The following GPM6A variants were observed in gnomAD, a reference collection of about 807,000 sequenced individuals.
GPM6A encodes glycoprotein M6A.
In GPM6A, 7 loss-of-function variants were observed where a neutral mutation model predicts 32.1. The observed-to-expected ratio is 0.22, with a 90% CI of 0.12 to 0.41. GPM6A has a LOEUF of 0.41. Among genes scored for constraint, GPM6A ranks in the 10% least tolerant of loss-of-function variants. The pLI, the probability that GPM6A is intolerant of heterozygous loss-of-function variation, is 1.00. For synonymous variants in GPM6A, 130 were observed against 123.4 expected, an observed-to-expected ratio of 1.05 and a Z score of -0.35; for missense variants, 235 against 347.2, an observed-to-expected ratio of 0.68 and a Z score of 2.57.
chr4:175,863,670 T>C (rs1445655063), intron 1 of GPM6A, among the ~76,000 whole-genome samples: 1 of 152,164 alleles, frequency 6.6e-6, no homozygotes, highest in Non-Finnish European at 1.5e-5. Flanking sequence ...TTTTCCAAAA[T>C]TGAACAAATT....
chr4:175,987,789 A>G (rs891176957), intron 1 of GPM6A, among the ~76,000 whole-genome samples: 1 of 152,140 alleles, frequency 6.6e-6, no homozygotes, highest in Non-Finnish European at 1.5e-5. Context: ...GAATTTGCCA[A>G]GGAAGAATGT....
At position 175,701,709 on chromosome 4, in the gene GPM6A, G is replaced by A. The variant is rs1744891781; in HGVS notation, c.96C>T (p.Ala32=). ...LGGIPYASLI[A]TILLYAGVAL... Reference sequence around the variant, plus strand: ...CAACACCCGCATAGAGCAGGATGGTGGCAATCAGAGAGGCATAGGGAATGC... The same window carrying A: ...CAACACCCGCATAGAGCAGGATGGTAGCAATCAGAGAGGCATAGGGAATGC... The change falls in exon 2 of 7, where the codon GCC becomes GCT. Residue 32 remains alanine, a synonymous_variant. Coordinates refer to ENST00000393658, the MANE Select transcript of GPM6A (RefSeq NM_201591.3). The A allele has an allele frequency of 6.2e-7, 1 of 1,613,678 alleles. No individual in the cohort carries two copies. The highest frequency in any genetic ancestry group is 8.5e-7 in the Non-Finnish European group (1 of 1,179,738).
chr4:175,819,073 A>G (rs1475251463), intron 1 of GPM6A, among the ~76,000 whole-genome samples: 1 of 152,242 alleles, frequency 6.6e-6, no homozygotes. Flanking sequence ...CCAAAATGCC[A>G]GAAAGCAAGA....
At chr4:175,817,651 G>A (rs962077545) in intron 1 of GPM6A, among the ~76,000 whole-genome samples, 4 of 152,056 alleles carry the variant, frequency 2.6e-5, no homozygotes, top group Admixed American at 1.3e-4. Context: ...TGGGAAAAAA[G>A]GGGGAGGCAG....
intron 1 of GPM6A, among the ~76,000 whole-genome samples, chr4:175,752,409 G>C (rs570916934): frequency 1.3e-5 from 2 of 152,118 alleles, no homozygotes; most frequent in South Asian, 4.2e-4. Flanking sequence ...TTTCCGTGCT[G>C]TCCTTTCTAC....
intron 1 of GPM6A, among the ~76,000 whole-genome samples, chr4:175,875,361 C>A (rs1294625769): frequency 6.6e-6 from 1 of 152,076 alleles, no homozygotes; most frequent in Non-Finnish European, 1.5e-5. Context: ...TTTCTTTCAC[C>A]ACTCTCCCCA....
Position 175,985,527 on chromosome 4 carries a change from A to G in GPM6A, c.-23+16782T>C, listed in dbSNP as rs78026082. Among the ~76,000 whole-genome samples, 588 of 152,250 alleles carry G rather than the reference A, an allele frequency of 3.9e-3. 6 individuals are homozygous for G. The highest frequency in any genetic ancestry group is 0.013 in the African/African-American group (541 of 41,544). On this transcript the variant is annotated intron_variant, in intron 1 of 7. Coordinates refer to the GPM6A transcript ENST00000280187. ...CTTGATTAATGCCAAATTTGCCTCC[A>G]TCTTTCCAACCTTTCCACTTATATG...
At chr4:175,689,824 T>G (rs1388337416) in intron 2 of GPM6A, among the ~76,000 whole-genome samples, 8 of 151,236 alleles carry the variant, frequency 5.3e-5, no homozygotes, top group Non-Finnish European at 1.0e-4. Flanking sequence ...AGCCGCCAGG[T>G]ATCTACACTA....
At chr4:175,733,094 A>T (rs569266611) in intron 1 of GPM6A, among the ~76,000 whole-genome samples, 1 of 152,310 alleles carries the variant, frequency 6.6e-6, no homozygotes, top group South Asian at 2.1e-4. Flanking sequence ...CAGTAGTGAA[A>T]TGTCTTTTTA....
intron 1 of GPM6A, among the ~76,000 whole-genome samples, chr4:175,869,551 G>A (rs544559466): frequency 1.3e-5 from 2 of 152,200 alleles, no homozygotes; most frequent in East Asian, 1.9e-4. Context: ...GAGGTCAGGA[G>A]TTCCAGACCA....
intron 1 of GPM6A, among the ~76,000 whole-genome samples, chr4:175,712,968 T>A (rs79405021): frequency 0.043 from 6,512 of 152,286 alleles, 184 homozygotes; most frequent in Non-Finnish European, 0.064. Context: ...GTAGCCAGGA[T>A]TGCAGTGCTC....
chr4:175,689,327 T>A (rs552730250), intron 2 of GPM6A, among the ~76,000 whole-genome samples: 1 of 152,340 alleles, frequency 6.6e-6, no homozygotes, highest in South Asian at 2.1e-4. Flanking sequence ...ATTAAGTTTT[T>A]CAGTGCATTA....
At chr4:175,787,664 A>C in intron 1 of GPM6A, 1 of 1,136,414 alleles carries the variant, frequency 8.8e-7, no homozygotes, top group South Asian at 2.7e-5. Context: ...AGTCAGACAA[A>C]TTTAATATAT....
At chr4:175,738,059 T>A (rs891085016) in intron 1 of GPM6A, among the ~76,000 whole-genome samples, 18 of 151,440 alleles carry the variant, frequency 1.2e-4, no homozygotes, top group Admixed American at 4.6e-4. Flanking sequence ...TGCCTCAGCC[T>A]CCCGAATAGC....
intron 1 of GPM6A, among the ~76,000 whole-genome samples, chr4:175,934,132 T>C (rs1401912881): frequency 1.3e-5 from 2 of 152,218 alleles, no homozygotes; most frequent in Non-Finnish European, 2.9e-5. Flanking sequence ...AGGGTTTTTC[T>C]GAGGGATGAT....
At chr4:175,761,336 C>G (rs1732731250) in intron 1 of GPM6A, among the ~76,000 whole-genome samples, 1 of 152,168 alleles carries the variant, frequency 6.6e-6, no homozygotes, top group African/African-American at 2.4e-5. Context: ...TCATGATCTA[C>G]CCGCCTCAGC....
intron 1 of GPM6A, among the ~76,000 whole-genome samples, chr4:175,853,092 C>T (rs887366268): frequency 6.6e-6 from 1 of 152,048 alleles, no homozygotes; most frequent in African/African-American, 2.4e-5. Context: ...GACTACAGAA[C>T]ACTATTGAAT....
At chr4:175,818,786 C>A (rs1167403185) in intron 1 of GPM6A, among the ~76,000 whole-genome samples, 1 of 152,148 alleles carries the variant, frequency 6.6e-6, no homozygotes, top group Non-Finnish European at 1.5e-5. Flanking sequence ...CATTCCCCAG[C>A]AGTTGAAGGC....
At chr4:175,988,369 T>C (rs1020724776) in intron 1 of GPM6A, among the ~76,000 whole-genome samples, 1 of 152,218 alleles carries the variant, frequency 6.6e-6, no homozygotes, top group African/African-American at 2.4e-5. Flanking sequence ...TTCAGCTTAC[T>C]TGTTCAGAAA....
Sources: allele counts gnomAD v4.1 joint callset (sites outside exome capture counted in the v4.1 genomes callset), GRCh38; gene constraint gnomAD v4.1.1; transcripts MANE v1.5; gene names NCBI Gene and HGNC (gene_info 2026-07-23, HGNC 2026-07-21).